DAB1: variants seen among roughly 807,000 people sequenced by gnomAD.
DAB1 encodes the protein disabled homolog 1.
A neutral mutation model predicts 64.6 loss-of-function variants in DAB1; 15 were observed. The ratio of observed to expected loss-of-function variants is 0.23; its 90% CI spans 0.16 to 0.36. The LOEUF is 0.36. DAB1 is among the 10% of genes least tolerant of loss of function. The probability of loss-of-function intolerance (pLI) is 1.00; values close to 1 mark genes in which losing one functional copy is unlikely to be tolerated. For synonymous variants in DAB1, 235 were observed against 251.9 expected (o/e 0.93, Z 0.64); for missense variants, 596 against 706.7 (o/e 0.84, Z 1.78).
At chr1:57,762,989 G>T (rs1163937471) in intron 6 of DAB1, among the ~76,000 whole-genome samples, 1 of 152,214 alleles carries the variant, frequency 6.6e-6, no homozygotes, top group Non-Finnish European at 1.5e-5. Context: ...TCCCTAAGGG[G>T]CTCATATGGT....
Position 58,545,698 on chromosome 1 carries a change from C to G in DAB1, n.32+1005G>C, listed in dbSNP as rs888614356. Among the ~76,000 whole-genome samples, 4 of 152,218 alleles carry G rather than the reference C, an allele frequency of 2.6e-5. No homozygotes were observed. The East Asian group carries it at 7.7e-4, about 29-fold the overall frequency. ...CATCTCCGAATGAGCAAGTGCAGCA[C>G]TCACTGGCACTCACAGCTGAAGCCT... On this transcript the variant is annotated intron_variant and non_coding_transcript_variant, in intron 1 of 20. Transcript: ENST00000485760.
At chr1:57,157,337 T>A (rs117153506) in intron 2 of DAB1, among the ~76,000 whole-genome samples, 2 of 152,304 alleles carry the variant, frequency 1.3e-5, no homozygotes, top group East Asian at 3.9e-4. Flanking sequence ...CTTCTGTGCA[T>A]TAGATACTTA....
chr1:57,399,643 G>A (rs1027169985), intron 1 of DAB1, among the ~76,000 whole-genome samples: 1 of 152,126 alleles, frequency 6.6e-6, no homozygotes, highest in African/African-American at 2.4e-5. Flanking sequence ...ATCTTAGAAC[G>A]TCAATGGTAA....
At chr1:58,194,687 T>C (rs1280021739) in intron 4 of DAB1, among the ~76,000 whole-genome samples, 1 of 152,242 alleles carries the variant, frequency 6.6e-6, no homozygotes, top group Non-Finnish European at 1.5e-5. Flanking sequence ...TTATAGGTTC[T>C]GTGTATCAGC....
Position 57,416,390 on chromosome 1 carries a change from A to G in DAB1, c.-137+7540T>C, listed in dbSNP as rs549816142. Among the ~76,000 whole-genome samples, 4 of 152,320 alleles carry G rather than the reference A, an allele frequency of 2.6e-5. No individual in the cohort carries two copies. In the South Asian group the frequency reaches 6.2e-4, roughly 24 times the overall value. ...ACCTCATAAACTTTCAATGCATTTC[A>G]TGTCAGGGTACTGAGTAATTACATA... On this transcript the variant is annotated intron_variant, in intron 1 of 14. Transcript: ENST00000371236.
At chr1:58,387,803 T>C (rs915300867) in intron 3 of DAB1, among the ~76,000 whole-genome samples, 1 of 146,000 alleles carries the variant, frequency 6.8e-6, no homozygotes, top group Non-Finnish European at 1.5e-5. Flanking sequence ...CTCGGCTCAC[T>C]GCAAGCTCTG....
chr1:57,322,110 A>G (rs527443836), intron 1 of DAB1, among the ~76,000 whole-genome samples: 1 of 152,280 alleles, frequency 6.6e-6, no homozygotes, highest in African/African-American at 2.4e-5. Flanking sequence ...CAAAACAGTC[A>G]GCCCTTATGA....
chr1:58,088,341 C>T (rs1186525786), intron 5 of DAB1, among the ~76,000 whole-genome samples: 1 of 152,180 alleles, frequency 6.6e-6, no homozygotes, highest in African/African-American at 2.4e-5. Context: ...TGAAACGAAT[C>T]CAAGTGGTAG....
At chr1:57,172,970 A>G (rs946021453) in intron 2 of DAB1, among the ~76,000 whole-genome samples, 1 of 152,174 alleles carries the variant, frequency 6.6e-6, no homozygotes, top group African/African-American at 2.4e-5. Context: ...AACCTGAACT[A>G]TCAAGGCCAT....
At chr1:57,432,117 GAAAA>G (rs113942764) in intron 7 of DAB1, among the ~76,000 whole-genome samples, 1 of 117,042 alleles carries the variant, frequency 8.5e-6, no homozygotes, top group Non-Finnish European at 1.8e-5. Context: ...GCAAGACTCT[GAAAA>G]AAAAAAAAAA....
At chr1:58,024,199 C>T (rs1373330128) in intron 5 of DAB1, among the ~76,000 whole-genome samples, 2 of 152,228 alleles carry the variant, frequency 1.3e-5, no homozygotes, top group African/African-American at 4.8e-5. Context: ...CAGAAAATTG[C>T]TGATGGTCAG....
intron 4 of DAB1, among the ~76,000 whole-genome samples, chr1:57,084,380 A>C (rs1652849753): frequency 6.6e-6 from 1 of 152,174 alleles, no homozygotes; most frequent in Admixed American, 6.5e-5. Flanking sequence ...CCTCAGAAAG[A>C]ACAATCCCTG....
At chr1:57,826,971 G>A (rs1363835563) in intron 1 of DAB1, among the ~76,000 whole-genome samples, 1 of 152,122 alleles carries the variant, frequency 6.6e-6, no homozygotes, top group African/African-American at 2.4e-5. Context: ...GAAGAAGATG[G>A]GTATTTGGTA....
At position 57,689,313 on chromosome 1, in the gene DAB1, C is replaced by T. The variant is rs530069483; in HGVS notation, n.552-39648G>A. ...AAAAAGTGCAGATTGGCTCAGGTGCCCAGGCCTGTGGAAGAAGGTCACCAA... is the reference window on the plus strand; with the variant it reads ...AAAAAGTGCAGATTGGCTCAGGTGCTCAGGCCTGTGGAAGAAGGTCACCAA... On this transcript the variant is annotated intron_variant and non_coding_transcript_variant, in intron 6 of 20. Transcript: ENST00000485760. 2.0e-5 allele frequency among the ~76,000 whole-genome samples: 3 copies of T among 152,046 alleles called. No homozygotes were observed. In the South Asian group the frequency reaches 6.3e-4, roughly 32 times the overall value.
At chr1:58,450,879 T>C (rs1645128504) in intron 3 of DAB1, among the ~76,000 whole-genome samples, 1 of 152,162 alleles carries the variant, frequency 6.6e-6, no homozygotes, top group South Asian at 2.1e-4. Context: ...CCTGAGATGA[T>C]ACAATGAGAA....
At chr1:57,778,146 G>A (rs1022169679) in intron 6 of DAB1, among the ~76,000 whole-genome samples, 2 of 151,926 alleles carry the variant, frequency 1.3e-5, no homozygotes, top group Non-Finnish European at 2.9e-5. Context: ...GGCTTCTGCC[G>A]TATGCATTCA....
chr1:57,162,820 G>C (rs894910063), intron 2 of DAB1, among the ~76,000 whole-genome samples: 3 of 152,222 alleles, frequency 2.0e-5, no homozygotes, highest in Non-Finnish European at 4.4e-5. Context: ...AGGGGTATTT[G>C]TGATGAAGAA....
chr1:57,161,510 C>G (rs576869943), intron 2 of DAB1, among the ~76,000 whole-genome samples: 127 of 152,286 alleles, frequency 8.3e-4, no homozygotes, highest in African/African-American at 2.9e-3. Context: ...AAGTTCACAA[C>G]TTGCTTCCCT....
intron 5 of DAB1, among the ~76,000 whole-genome samples, chr1:58,126,686 C>T (rs2100684510): frequency 6.7e-6 from 1 of 150,372 alleles, no homozygotes; most frequent in African/African-American, 2.4e-5. Flanking sequence ...TCAATTCCCA[C>T]CTAGGAGTGA....
Sources: gnomAD v4.1 joint callset for allele counts (sites outside exome capture counted in the v4.1 genomes callset) on GRCh38, gnomAD v4.1.1 for gene constraint, MANE v1.5 for transcripts, NCBI Gene and HGNC (gene_info 2026-07-23, HGNC 2026-07-21) for gene names.